KIAA0040: variants seen among roughly 807,000 people sequenced by gnomAD.
KIAA0040 encodes KIAA0040.
Under a neutral mutation model 7.2 loss-of-function variants are expected in KIAA0040, and 10 were observed. That is an observed-to-expected ratio of 1.38 (90% CI 0.85 to 2.34). The LOEUF (loss-of-function observed/expected upper bound fraction) is 2.34, where lower values mean the gene tolerates loss of function less well. Among genes scored for constraint, KIAA0040 ranks in the 30% most tolerant of loss-of-function variants. The pLI, the probability that KIAA0040 is intolerant of heterozygous loss-of-function variation, is 0.00. For synonymous variants in KIAA0040, 49 were observed against 40.1 expected, an observed-to-expected ratio of 1.22 and a Z score of -0.84; for missense variants, 89 against 108.2, an observed-to-expected ratio of 0.82 and a Z score of 0.79.
At chr1:175,163,602 T>C (rs1260124380) in intron 3 of KIAA0040, among the ~76,000 whole-genome samples, 1 of 152,244 alleles carries the variant, frequency 6.6e-6, no homozygotes, top group African/African-American at 2.4e-5. Context: ...ATCTCTCTTC[T>C]GGATTTTCCT....
chr1:175,182,047 T>C (rs1008459), intron 1 of KIAA0040, among the ~76,000 whole-genome samples: 38,061 of 152,090 alleles, frequency 0.25, 5,411 homozygotes, highest in Admixed American at 0.43. Flanking sequence ...CTGATGGGGA[T>C]TTTTCAAGGT....
In KIAA0040 at chr1:175,160,843, C is replaced by T. The variant is rs762796914; in HGVS notation, c.171G>A (p.Lys57=). The part of the protein sequence containing the change: ...CCHCCWSPPG[K]RGQQPEKNKK... The stretch of plus-strand genomic sequence containing the variant: ...TGTTCTTCTCTGGCTGCTGGCCCCT[C>T]TTGCCTGGTGGGCTCCAGCAGCAAT... Residue 57 remains lysine (K), a synonymous_variant, in exon 4 of 4, where the codon AAG becomes AAA. Transcript: ENST00000423313. 62 of 1,551,394 alleles carry T rather than the reference C, an allele frequency of 4.0e-5. 1 individual carries two copies. The East Asian group carries it at 1.3e-3, about 32-fold the overall frequency.
chr1:175,176,666 A>G (rs1238409391), intron 2 of KIAA0040, among the ~76,000 whole-genome samples: 1 of 45,230 alleles, frequency 2.2e-5, no homozygotes, highest in Non-Finnish European at 4.6e-5. Context: ...GTTAAGTAGC[A>G]TGCTTTTTTT....
At chr1:175,169,999 T>C (rs1355160728) in intron 2 of KIAA0040, among the ~76,000 whole-genome samples, 10 of 152,218 alleles carry the variant, frequency 6.6e-5, no homozygotes, top group Non-Finnish European at 2.9e-5. Flanking sequence ...TGTGCACTTA[T>C]TATCTCTCTT....
intron 2 of KIAA0040, among the ~76,000 whole-genome samples, chr1:175,171,239 C>T (rs757059600): frequency 1.3e-4 from 20 of 152,208 alleles, no homozygotes; most frequent in Non-Finnish European, 2.6e-4. Context: ...GCCCTACTGG[C>T]TTGGTGATAC....
At chr1:175,161,685 T>A (rs756611116) in intron 3 of KIAA0040, among the ~76,000 whole-genome samples, 4 of 152,078 alleles carry the variant, frequency 2.6e-5, no homozygotes, top group Non-Finnish European at 4.4e-5. Context: ...GGCTAAGAGG[T>A]CATCAGTCCT....
At chr1:175,180,209 G>C (rs904822303) in intron 1 of KIAA0040, among the ~76,000 whole-genome samples, 5 of 152,140 alleles carry the variant, frequency 3.3e-5, no homozygotes, top group African/African-American at 1.2e-4. Flanking sequence ...CCCATAATCT[G>C]CAGTAGGGTA....
intron 3 of KIAA0040, among the ~76,000 whole-genome samples, chr1:175,166,105 C>T (rs184154753): frequency 6.6e-5 from 10 of 152,092 alleles, no homozygotes; most frequent in African/African-American, 2.4e-4. Context: ...CTATGAGAAC[C>T]TTAAGAGACC....
chr1:175,189,415 T>G (rs1040056475), intron 1 of KIAA0040, among the ~76,000 whole-genome samples: 3 of 152,208 alleles, frequency 2.0e-5, no homozygotes, highest in African/African-American at 7.2e-5. Flanking sequence ...GGTGGAATAT[T>G]GGTGCTTTCA....
At chr1:175,179,953 G>C (rs1571209428) in intron 1 of KIAA0040, among the ~76,000 whole-genome samples, 2 of 152,200 alleles carry the variant, frequency 1.3e-5, no homozygotes, top group Non-Finnish European at 2.9e-5. Context: ...GCAAGCAGTG[G>C]CAACCAATCC....
At chr1:175,188,828 C>A (rs1403287253) in intron 1 of KIAA0040, among the ~76,000 whole-genome samples, 2 of 152,158 alleles carry the variant, frequency 1.3e-5, no homozygotes. Context: ...GTCCTGGAGG[C>A]CACTTGGGGA....
At position 175,158,837 on chromosome 1, in the gene KIAA0040, C is replaced by T. The variant is rs1447685072; in HGVS notation, c.*1877G>A. On this transcript the variant is annotated 3_prime_UTR_variant, in exon 4 of 4. Transcript: ENST00000423313. ...ATATATGCAGGTTTAAATTATGATT[C>T]ACAGGGTCATCTGTTAGAAAACCCT... 2.0e-5 allele frequency: 3 copies of T among 152,118 alleles called. No individual in the cohort carries two copies. The highest frequency in any genetic ancestry group is 7.2e-5 in the African/African-American group (3 of 41,410). 9.4% of individuals were successfully genotyped at this position (152,118 alleles called of 1,614,324 possible).
At chr1:175,176,696 T>TTTTTTTG (rs1677210623) in intron 2 of KIAA0040, among the ~76,000 whole-genome samples, 1 of 132,916 alleles carries the variant, frequency 7.5e-6, no homozygotes, top group Non-Finnish European at 1.6e-5. Flanking sequence ...TTTTTTTTTT[T>TTTTTTTG]TTTTGCTTCA....
At position 175,158,517 on chromosome 1, in the gene KIAA0040, A is replaced by T. The variant is rs1676388853; in HGVS notation, c.*2197T>A. 3 of 152,106 alleles carry T rather than the reference A, an allele frequency of 2.0e-5. No homozygotes were observed. In the South Asian group the frequency reaches 6.2e-4, roughly 32 times the overall value. 9.4% of individuals were successfully genotyped at this position (152,106 alleles called of 1,614,324 possible). On this transcript the variant is annotated 3_prime_UTR_variant, in exon 4 of 4. Coordinates refer to ENST00000423313, the MANE Select transcript of KIAA0040 (RefSeq NM_014656.3). Reference sequence around the variant, plus strand: ...TGTCAGCCTCCACCTCTCCCCAGCCATCCATTCTAGGGGGACTGAGAGGTG... The same window carrying T: ...TGTCAGCCTCCACCTCTCCCCAGCCTTCCATTCTAGGGGGACTGAGAGGTG...
intron 2 of KIAA0040, among the ~76,000 whole-genome samples, chr1:175,168,608 A>G (rs971590675): frequency 2.2e-5 from 3 of 138,782 alleles, no homozygotes; most frequent in Non-Finnish European, 4.9e-5. Flanking sequence ...GAAATGGGCC[A>G]TCTGGTTGAT....
intron 1 of KIAA0040, among the ~76,000 whole-genome samples, chr1:175,180,570 G>T (rs1278082589): frequency 1.3e-5 from 2 of 152,218 alleles, no homozygotes; most frequent in Admixed American, 1.3e-4. Context: ...AGCTCTTTCA[G>T]CTTGGGCAGT....
At chr1:175,175,181 G>A (rs60521447) in intron 2 of KIAA0040, among the ~76,000 whole-genome samples, 20,264 of 152,128 alleles carry the variant, frequency 0.13, 1,444 homozygotes, top group East Asian at 0.25. Flanking sequence ...GAAAAAGCAT[G>A]AGAACGACCA....
Position 175,160,627 on chromosome 1 carries a change from G to A in KIAA0040, c.*87C>T, listed in dbSNP as rs974666818. The A allele has an allele frequency of 2.5e-6, 3 of 1,224,076 alleles. No homozygotes were observed. In the Admixed American group the frequency reaches 8.3e-5, roughly 34 times the overall value. The allele number at this position is 1,224,076 out of a possible 1,614,324, so 75.8% of individuals were successfully genotyped here. On this transcript the variant is annotated 3_prime_UTR_variant, in exon 4 of 4. Coordinates refer to ENST00000423313, the MANE Select transcript of KIAA0040 (RefSeq NM_014656.3). Reference sequence around the variant, plus strand: ...GTTACTCTGTGGACATGGACATAGTGCATTATTTCAGGGGTTCCTGAAATG... The same window carrying A: ...GTTACTCTGTGGACATGGACATAGTACATTATTTCAGGGGTTCCTGAAATG...
chr1:175,177,308 C>A (rs1181329165), intron 2 of KIAA0040, among the ~76,000 whole-genome samples: 2 of 152,226 alleles, frequency 1.3e-5, no homozygotes, highest in African/African-American at 4.8e-5. Context: ...TTTGATAGAG[C>A]AAGACATTCT....
Sources: gnomAD v4.1 joint callset for allele counts (sites outside exome capture counted in the v4.1 genomes callset) on GRCh38, gnomAD v4.1.1 for gene constraint, MANE v1.5 for transcripts, NCBI Gene and HGNC (gene_info 2026-07-23, HGNC 2026-07-21) for gene names.